SPATA16: variants seen among roughly 807,000 people sequenced by gnomAD.
SPATA16 encodes the protein spermatogenesis associated 16.
SPATA16 carries 36 observed loss-of-function variants against 63.3 expected under a neutral mutation model. That is an observed-to-expected ratio of 0.57 (90% CI 0.44 to 0.75). The LOEUF is 0.75. Among genes scored for constraint, SPATA16 ranks in the 30% least tolerant of loss-of-function variants. The pLI is 0.00. For missense variants in SPATA16, 646 were observed against 679.3 expected (o/e 0.95, Z 0.54); for synonymous variants, 203 against 216.7 (o/e 0.94, Z 0.56).
chr3:173,025,804 G>T (rs1350739740), intron 3 of SPATA16, among the ~76,000 whole-genome samples: 1 of 151,876 alleles, frequency 6.6e-6, no homozygotes, highest in Non-Finnish European at 1.5e-5. Context: ...TCCTTTTACT[G>T]CTTAACTATT....
At chr3:172,983,353 G>T (rs1185060852) in intron 4 of SPATA16, among the ~76,000 whole-genome samples, 2 of 148,330 alleles carry the variant, frequency 1.3e-5, no homozygotes, top group Non-Finnish European at 3.0e-5. Context: ...CCATGAGTCA[G>T]TTTTGTGGTT....
At chr3:173,062,971 C>T (rs1055315510) in intron 2 of SPATA16, among the ~76,000 whole-genome samples, 4 of 152,194 alleles carry the variant, frequency 2.6e-5, no homozygotes, top group Non-Finnish European at 5.9e-5. Flanking sequence ...CAGTAATGCT[C>T]GCTGGCCCCC....
intron 7 of SPATA16, 108 bp downstream of exon 7, chr3:172,925,238 A>G: frequency 2.4e-6 from 3 of 1,248,810 alleles, no homozygotes; most frequent in Non-Finnish European, 3.4e-6. Flanking sequence ...TTGTTAACTA[A>G]CCCACAAAGA....
chr3:173,101,582 C>T (rs1400196532), intron 2 of SPATA16, among the ~76,000 whole-genome samples: 2 of 152,166 alleles, frequency 1.3e-5, no homozygotes, highest in Admixed American at 1.3e-4. Flanking sequence ...TAAGACTTGA[C>T]ACCTGGATTA....
At chr3:173,069,129 A>C (rs933686499) in intron 2 of SPATA16, among the ~76,000 whole-genome samples, 5 of 151,544 alleles carry the variant, frequency 3.3e-5, no homozygotes, top group Non-Finnish European at 7.4e-5. Context: ...AAAAAAAAGA[A>C]AGAAAGAAAT....
rs1176572059 is a variant in SPATA16 at position 173,088,076 on chromosome 3, T to TTCTGTCTG, written c.612+29043_612+29044insCAGACAGA. ...TTTCTTTCTTTCTTTCTTTCTTTCTTTCTGTCTTTTCTTTTTTTTTTTTTT... is the reference window on the plus strand; with the variant it reads ...TTTCTTTCTTTCTTTCTTTCTTTCTTTCTGTCTGTCTGTCTTTTCTTTTTTTTTTTTTT... On this transcript the variant is annotated intron_variant, in intron 2 of 10. Transcript: ENST00000351008. Among the ~76,000 whole-genome samples the TTCTGTCTG allele has an allele frequency of 2.2e-4, 27 of 120,190 alleles. 1 individual carries two copies. Among genetic ancestry groups the TTCTGTCTG allele is most frequent in the African/African-American group, 8.2e-4 (23 of 28,124 alleles). 78.8% of individuals were successfully genotyped at this position (120,190 alleles called of 152,430 possible).
chr3:173,105,821 C>CTTCG (rs1737609870), intron 2 of SPATA16, among the ~76,000 whole-genome samples: 1 of 150,972 alleles, frequency 6.6e-6, no homozygotes, highest in African/African-American at 2.4e-5. Context: ...TCCTTCCTTC[C>CTTCG]TTCCTTCTTT....
chr3:173,089,957 G>T (rs11918643), intron 2 of SPATA16, among the ~76,000 whole-genome samples: 1 of 152,214 alleles, frequency 6.6e-6, no homozygotes, highest in East Asian at 1.9e-4. Context: ...ACTGGATACT[G>T]TTTTCTACTA....
intron 2 of SPATA16, among the ~76,000 whole-genome samples, chr3:173,110,079 GT>G (rs1173265191): frequency 2.6e-5 from 4 of 152,038 alleles, no homozygotes; most frequent in Non-Finnish European, 4.4e-5. Flanking sequence ...TTTCCTGTAT[GT>G]TTGCTAGCAT....
intron 2 of SPATA16, among the ~76,000 whole-genome samples, chr3:173,100,438 G>A (rs754884301): frequency 4.6e-5 from 7 of 152,100 alleles, no homozygotes; most frequent in Admixed American, 1.3e-4. Flanking sequence ...ACCAGCTGGT[G>A]TGAAGCTACC....
chr3:173,045,939 A>G (rs752909061), intron 3 of SPATA16, among the ~76,000 whole-genome samples: 5 of 152,048 alleles, frequency 3.3e-5, no homozygotes, highest in Non-Finnish European at 7.4e-5. Flanking sequence ...TTTTTCTTAC[A>G]TATTTGGTAC....
At position 172,994,043 on chromosome 3, in the gene SPATA16, C is replaced by T. The variant is rs76130979; in HGVS notation, c.849-16991G>A. 1.1e-4 allele frequency among the ~76,000 whole-genome samples: 16 copies of T among 152,274 alleles called. No homozygotes were observed. In the East Asian group the frequency reaches 3.1e-3, roughly 29 times the overall value. Reference sequence around the variant, plus strand: ...TTTCATTACAGAGTCTGGGTCACATCATTCCCAATACTTTTGTTGACTTTT... The same window carrying T: ...TTTCATTACAGAGTCTGGGTCACATTATTCCCAATACTTTTGTTGACTTTT... On this transcript the variant is annotated intron_variant, in intron 4 of 10. Coordinates refer to ENST00000351008, the MANE Select transcript of SPATA16 (RefSeq NM_031955.6).
At chr3:173,111,378 C>G (rs562769830) in intron 2 of SPATA16, among the ~76,000 whole-genome samples, 6 of 152,258 alleles carry the variant, frequency 3.9e-5, no homozygotes, top group African/African-American at 1.4e-4. Context: ...CCACTGCACT[C>G]CAGCCTGGGT....
intron 2 of SPATA16, among the ~76,000 whole-genome samples, chr3:173,055,780 G>A (rs1173738918): frequency 6.6e-6 from 1 of 152,162 alleles, no homozygotes; most frequent in African/African-American, 2.4e-5. Flanking sequence ...CTTAAGTTTG[G>A]TGGATTGCCT....
chr3:172,904,565 A>C (rs1732194567), intron 10 of SPATA16, among the ~76,000 whole-genome samples: 2 of 152,254 alleles, frequency 1.3e-5, no homozygotes, highest in Non-Finnish European at 1.5e-5. Flanking sequence ...CCAACAAAGC[A>C]CTTAAAAGAG....
At chr3:173,009,268 A>G (rs74531948) in intron 4 of SPATA16, among the ~76,000 whole-genome samples, 2,279 of 152,318 alleles carry the variant, frequency 0.015, 28 homozygotes, top group Non-Finnish European at 0.023. Context: ...CAAGGAAGCA[A>G]TACACAACAG....
chr3:172,914,820 G>A (rs549286153), intron 9 of SPATA16, among the ~76,000 whole-genome samples: 3 of 151,954 alleles, frequency 2.0e-5, no homozygotes, highest in South Asian at 2.1e-4. Flanking sequence ...ACTTTAGAAA[G>A]GAATGTCAAT....
intron 6 of SPATA16, among the ~76,000 whole-genome samples, chr3:172,928,515 C>G (rs543481163): frequency 6.6e-6 from 1 of 152,198 alleles, no homozygotes; most frequent in Admixed American, 6.5e-5. Context: ...AGCACTATTG[C>G]CAAAACCAGC....
In SPATA16 at chr3:172,902,953, G is replaced by C. The variant is rs536374525; in HGVS notation, c.1587+10708C>G. ...CACTTTTATTTTTGCCCTTCTCCCA[G>C]AGATGAAAGGTATAATGAATACACT... On this transcript the variant is annotated intron_variant, in intron 10 of 10. Coordinates refer to ENST00000351008, the MANE Select transcript of SPATA16 (RefSeq NM_031955.6). Among the ~76,000 whole-genome samples, 12 of 152,258 alleles carry C rather than the reference G, an allele frequency of 7.9e-5. No homozygotes were observed. The South Asian group carries it at 2.5e-3, about 32-fold the overall frequency.
Sources: gnomAD v4.1 joint callset for allele counts (sites outside exome capture counted in the v4.1 genomes callset) on GRCh38, gnomAD v4.1.1 for gene constraint, MANE v1.5 for transcripts, NCBI Gene and HGNC (gene_info 2026-07-23, HGNC 2026-07-21) for gene names.